Variants in OXNAD1 observed in about 807,000 individuals in gnomAD.
The protein encoded by OXNAD1 is oxidoreductase NAD-binding domain-containing protein 1.
In OXNAD1, 34 loss-of-function variants were observed where a neutral mutation model predicts 32.9. That is an observed-to-expected ratio of 1.03 (90% CI 0.79 to 1.38). OXNAD1 has a LOEUF of 1.38. OXNAD1 is among the 40% of genes most tolerant of loss of function. The pLI is 0.00. For missense variants in OXNAD1, 407 were observed against 379.4 expected, an observed-to-expected ratio of 1.07 and a Z score of -0.60; for synonymous variants, 134 against 135.2, an observed-to-expected ratio of 0.99 and a Z score of 0.06.
intron 9 of OXNAD1, among the ~76,000 whole-genome samples, chr3:16,330,045 T>C (rs574451027): frequency 1.3e-5 from 2 of 152,306 alleles, no homozygotes; most frequent in African/African-American, 4.8e-5. Flanking sequence ...ATCAGCAGGA[T>C]TTCTCCCAAA....
chr3:16,346,963 G>C lies in OXNAD1; in HGVS notation c.*31-2213G>C, dbSNP rs2071763578. 6.6e-6 allele frequency among the ~76,000 whole-genome samples: 1 copy of C among 152,166 alleles called. No individual in the cohort carries two copies. Among genetic ancestry groups the C allele is most frequent in the African/African-American group, 2.4e-5 (1 of 41,430 alleles). Reference sequence around the variant, plus strand: ...CTAGACTTCCTGCTCAATGAGATGAGATGAACACCCCTACGGCTTAAGCCA... The same window carrying C: ...CTAGACTTCCTGCTCAATGAGATGACATGAACACCCCTACGGCTTAAGCCA... On this transcript the variant is annotated intron_variant, in intron 9 of 9. Transcript: ENST00000606098. The surrounding 1 kb of genome is among the most constrained non-coding windows in gnomAD (Gnocchi z 4.4).
At position 16,346,889 on chromosome 3, in the gene OXNAD1, C is replaced by T. The variant is rs535679392; in HGVS notation, c.*31-2287C>T. ...ATGGCAACATCTGGATCCCTGGTGG[C>T]ATCTTTAAGCTGTTGACAAAGCTGA... On this transcript the variant is annotated intron_variant, in intron 9 of 9. Transcript: ENST00000606098. The surrounding 1 kb of genome is among the most constrained non-coding windows in gnomAD (Gnocchi z 4.4). Among the ~76,000 whole-genome samples the T allele has an allele frequency of 7.2e-5, 11 of 152,244 alleles. No individual in the cohort carries two copies. The East Asian group carries it at 1.9e-3, about 27-fold the overall frequency.
In OXNAD1 at chr3:16,302,516, CTAAG is replaced by C. The variant is rs1238392792; in HGVS notation, c.676-121_676-118del. ...CTGCTAGGCTGCAAACAATATCTCTCTAAGTAGAGAGCGAGAGCGGCAGACGTGT... is the reference window on the plus strand; with the variant it reads ...CTGCTAGGCTGCAAACAATATCTCTCTAGAGAGCGAGAGCGGCAGACGTGT... On this transcript the variant is annotated intron_variant, in intron 7 of 8. Coordinates refer to ENST00000285083, the MANE Select transcript of OXNAD1 (RefSeq NM_138381.5). The surrounding 1 kb of genome is among the most constrained non-coding windows in gnomAD (Gnocchi z 4.2). 3 of 675,592 alleles carry C rather than the reference CTAAG, an allele frequency of 4.4e-6. No homozygotes were observed. The highest frequency in any genetic ancestry group is 5.2e-6 in the Non-Finnish European group (2 of 382,542). 41.8% of individuals were successfully genotyped at this position (675,592 alleles called of 1,614,324 possible).
chr3:16,319,959 T>C (rs1173096954), intron 9 of OXNAD1, among the ~76,000 whole-genome samples: 2 of 152,210 alleles, frequency 1.3e-5, no homozygotes, highest in Non-Finnish European at 2.9e-5. Flanking sequence ...TAAAACAGGT[T>C]GCACTGAGTT....
At chr3:16,282,367 T>TA (rs60328037) in intron 4 of OXNAD1, among the ~76,000 whole-genome samples, 115 of 145,622 alleles carry the variant, frequency 7.9e-4, no homozygotes, top group East Asian at 1.0e-3. Flanking sequence ...CCACCCAGCT[T>TA]AAAAAAAAAA....
chr3:16,301,529 G>C lies in OXNAD1; in HGVS notation c.433-97G>C. ...AGCTATAAAAATAGTCTTAAATACT[G>C]ATAATACAGGAGATAGACCCAGTTT... On this transcript the variant is annotated intron_variant, in intron 6 of 8. Transcript: ENST00000285083. The surrounding 1 kb of genome is among the most constrained non-coding windows in gnomAD (Gnocchi z 4.1). The C allele has an allele frequency of 7.2e-7, 1 of 1,384,630 alleles. No homozygotes were observed. Among genetic ancestry groups the C allele is most frequent in the African/African-American group, 1.5e-5 (1 of 68,786 alleles). 85.8% of individuals were successfully genotyped at this position (1,384,630 alleles called of 1,614,324 possible).
chr3:16,273,364 ATAGT>A (rs2065087822), intron 4 of OXNAD1, among the ~76,000 whole-genome samples: 1 of 150,062 alleles, frequency 6.7e-6, no homozygotes, highest in Non-Finnish European at 1.5e-5. Flanking sequence ...AGATAGATAG[ATAGT>A]TAATAGTATT....
rs1455843806 is a variant in OXNAD1, at chr3:16,327,126, C to G, written c.*31-9986C>G. Among the ~76,000 whole-genome samples, 1 of 152,178 alleles carries G rather than the reference C, an allele frequency of 6.6e-6. No individual in the cohort carries two copies. On this transcript the variant is annotated intron_variant, in intron 9 of 9. Coordinates refer to the OXNAD1 transcript ENST00000435829. This position sits in a 1 kb window ranked among gnomAD's most constrained non-coding sequence, Gnocchi z 4.2. ...AAGGAATTACAGCCAAAAGATTAAT[C>G]CATTAATTTTGTTTGATTCTTGTCT...
At chr3:16,341,352 A>G (rs1206065860), downstream of OXNAD1, among the ~76,000 whole-genome samples, 2 of 152,244 alleles carry the variant, frequency 1.3e-5, no homozygotes, top group Admixed American at 6.5e-5. The surrounding 1 kb of genome is among the most constrained non-coding windows in gnomAD (Gnocchi z 4.7). Context: ...AAACCTACAC[A>G]TGGCTGTTTA....
In OXNAD1 at chr3:16,345,834, GCACGCGCACA is replaced by G. The variant is rs1286383582; in HGVS notation, c.*31-3341_*31-3332del. On this transcript the variant is annotated intron_variant, in intron 9 of 9. Coordinates refer to the OXNAD1 transcript ENST00000606098. The surrounding 1 kb of genome is among the most constrained non-coding windows in gnomAD (Gnocchi z 5.2). ...TGTGTGTGTGCGCGCGCGCGTGCGC[GCACGCGCACA>G]TGTGCATGTGTATGTGTATAATCTC... Among the ~76,000 whole-genome samples the G allele has an allele frequency of 0.049, 3,205 of 65,036 alleles. 78 individuals carry two copies. The highest frequency in any genetic ancestry group is 0.092 in the Middle Eastern group (11 of 120). The allele number at this position is 65,036 out of a possible 152,430, so 42.7% of individuals were successfully genotyped here. A position where few individuals can be genotyped will look rare whatever the true frequency, so the allele number is the denominator to read the frequency against.
rs1363953145 is a variant in OXNAD1, at chr3:16,287,272, T to C, written c.290+824T>C. On this transcript the variant is annotated intron_variant, in intron 5 of 8. Coordinates refer to ENST00000285083, the MANE Select transcript of OXNAD1 (RefSeq NM_138381.5). This position sits in a 1 kb window ranked among gnomAD's most constrained non-coding sequence, Gnocchi z 4.8. ...TAGTGTTTCTTAGGAGTCACTTGAC[T>C]AATTTTGGCAGTCCATCTGGAAATG... is the stretch of plus-strand genomic sequence containing the variant. Among the ~76,000 whole-genome samples, 1 of 152,230 alleles carries C rather than the reference T, an allele frequency of 6.6e-6. No homozygotes were observed. Among genetic ancestry groups the C allele is most frequent in the African/African-American group, 2.4e-5 (1 of 41,470 alleles).
rs773816013 is a variant in OXNAD1 at position 16,317,151 on chromosome 3, G to A, written c.*30+13559G>A. The stretch of plus-strand genomic sequence containing the variant: ...TTCTTCTCATTTTCTTCTGCTTGTT[G>A]TTTGTCTCTGGCACTGAGTTTACCT... On this transcript the variant is annotated intron_variant, in intron 9 of 9. Transcript: ENST00000435829. This position sits in a 1 kb window ranked among gnomAD's most constrained non-coding sequence, Gnocchi z 4.3. 3 of 1,613,436 alleles carry A rather than the reference G, an allele frequency of 1.9e-6. No individual in the cohort carries two copies. The highest frequency in any genetic ancestry group is 1.3e-5 in the African/African-American group (1 of 74,774).
At position 16,323,634 on chromosome 3, in the gene OXNAD1, G is replaced by C. The variant is rs1384789222; in HGVS notation, c.*31-13478G>C. 2.0e-5 allele frequency among the ~76,000 whole-genome samples: 3 copies of C among 152,110 alleles called. No homozygotes were observed. The East Asian group carries it at 5.8e-4, about 29-fold the overall frequency. ...AGGCCATCCAACCTTGCTTCCGAGGGGCTATCTCAGATGCCCAACAAAAGC... is the reference window on the plus strand; with the variant it reads ...AGGCCATCCAACCTTGCTTCCGAGGCGCTATCTCAGATGCCCAACAAAAGC... On this transcript the variant is annotated intron_variant, in intron 9 of 9. Transcript: ENST00000435829.
chr3:16,266,760 A>G (rs2064547376), intron 1 of OXNAD1, among the ~76,000 whole-genome samples: 1 of 152,188 alleles, frequency 6.6e-6, no homozygotes, highest in Admixed American at 6.5e-5. Flanking sequence ...GAAGGGGTCA[A>G]TGTATTAGGA....
At chr3:16,338,528 AG>A (rs779341308), downstream of OXNAD1, among the ~76,000 whole-genome samples, 2 of 152,242 alleles carry the variant, frequency 1.3e-5, no homozygotes, top group Non-Finnish European at 2.9e-5. The surrounding 1 kb of genome is among the most constrained non-coding windows in gnomAD (Gnocchi z 5.3). Flanking sequence ...CTTCAGGGTG[AG>A]GGGGTCCTCC....
chr3:16,282,632 A>T (rs2065828253), intron 4 of OXNAD1, among the ~76,000 whole-genome samples: 1 of 151,976 alleles, frequency 6.6e-6, no homozygotes, highest in Non-Finnish European at 1.5e-5. Context: ...AGGGCCTAGA[A>T]GGGTGAGCAG....
At chr3:16,292,091 GA>G (rs1159447200) in intron 5 of OXNAD1, among the ~76,000 whole-genome samples, 2 of 151,642 alleles carry the variant, frequency 1.3e-5, no homozygotes, top group African/African-American at 4.8e-5. Flanking sequence ...CTTTATTACT[GA>G]GTTGTAAGAG....
rs1295887443 is a variant in OXNAD1, at chr3:16,302,978, C to A, written c.784+230C>A. On this transcript the variant is annotated intron_variant, in intron 8 of 8. Transcript: ENST00000285083. This position sits in a 1 kb window ranked among gnomAD's most constrained non-coding sequence, Gnocchi z 4.2. ...GTACTTTTCACACTTTTTAAGAGGC[C>A]TTTGCATCATCACTGTAGTGTCCAT... 6.6e-6 allele frequency among the ~76,000 whole-genome samples: 1 copy of A among 152,140 alleles called. No individual in the cohort carries two copies. The highest frequency in any genetic ancestry group is 1.5e-5 in the Non-Finnish European group (1 of 68,026).
rs2066963856 is a variant in OXNAD1 at position 16,298,569 on chromosome 3, C to T, written c.433-3057C>T. ...GTCAGATTTTTCTTGGAATCATTTT[C>T]AGGTGGCTATTTTCCTCCTGAGGAT... On this transcript the variant is annotated intron_variant, in intron 6 of 8. Coordinates refer to ENST00000285083, the MANE Select transcript of OXNAD1 (RefSeq NM_138381.5). This position sits in a 1 kb window ranked among gnomAD's most constrained non-coding sequence, Gnocchi z 5.1. Among the ~76,000 whole-genome samples the T allele has an allele frequency of 6.6e-6, 1 of 152,144 alleles. No homozygotes were observed. The highest frequency in any genetic ancestry group is 1.5e-5 in the Non-Finnish European group (1 of 68,022).
Sources: allele counts gnomAD v4.1 joint callset (sites outside exome capture counted in the v4.1 genomes callset), GRCh38; gene constraint gnomAD v4.1.1; non-coding constraint Gnocchi (gnomAD v3.1); transcripts MANE v1.5; gene names NCBI Gene and HGNC (gene_info 2026-07-23, HGNC 2026-07-21).